Variants in SHANK2 observed in about 807,000 individuals in gnomAD.
SHANK2 encodes SH3 and multiple ankyrin repeat domains protein 2.
Under a neutral mutation model 133.7 loss-of-function variants are expected in SHANK2, and 43 were observed. The ratio of observed to expected loss-of-function variants is 0.32; its 90% CI spans 0.25 to 0.41. SHANK2 has a LOEUF of 0.41. SHANK2 is among the 10% of genes least tolerant of loss of function. SHANK2 has a pLI of 1.00. For missense variants in SHANK2, 1,994 were observed against 2,235.8 expected, an observed-to-expected ratio of 0.89 and a Z score of 2.18; for synonymous variants, 1,017 against 952.8, an observed-to-expected ratio of 1.07 and a Z score of -1.24.
At chr11:70,845,123 C>G (rs1208746436) in intron 11 of SHANK2, among the ~76,000 whole-genome samples, 1 of 138,874 alleles carries the variant, frequency 7.2e-6, no homozygotes, top group Admixed American at 8.0e-5. Context: ...CGCTTGAACC[C>G]GGGTGGCAGA....
chr11:70,827,427 G>GC (rs34086724), intron 11 of SHANK2, among the ~76,000 whole-genome samples: 149,680 of 152,002 alleles, frequency 0.98, 73,744 homozygotes, highest in South Asian at 1. Context: ...GAGGAAAGCT[G>GC]CCCCTTGGAA....
intron 9 of SHANK2, among the ~76,000 whole-genome samples, chr11:71,072,246 T>C (rs1418107327): frequency 1.4e-5 from 2 of 138,280 alleles, no homozygotes; most frequent in Non-Finnish European, 3.2e-5. Flanking sequence ...CCCCCACCAC[T>C]TAACCCCCCA....
At chr11:70,507,671 A>G (rs563576739) in intron 17 of SHANK2, among the ~76,000 whole-genome samples, 1 of 152,286 alleles carries the variant, frequency 6.6e-6, no homozygotes, top group South Asian at 2.1e-4. Context: ...ACAGACACGG[A>G]CATGAGGTCT....
chr11:71,070,009 T>A lies in SHANK2; in HGVS notation c.1029+5150A>T, dbSNP rs1029718518. Reference sequence around the variant, plus strand: ...ACATGTGTAGACAAGGGGGAGTGAGTATAGCAAGGTGTTCAAATGGTGACT... The same window carrying A: ...ACATGTGTAGACAAGGGGGAGTGAGAATAGCAAGGTGTTCAAATGGTGACT... On this transcript the variant is annotated intron_variant, in intron 9 of 25. Transcript: ENST00000601538. Among the ~76,000 whole-genome samples the A allele has an allele frequency of 6.3e-3, 959 of 151,024 alleles. 8 individuals carry two copies. Among genetic ancestry groups the A allele is most frequent in the African/African-American group, 0.022 (896 of 41,062 alleles).
intron 11 of SHANK2, chr11:70,872,943 C>T (rs1949493845): frequency 2.1e-6 from 1 of 466,756 alleles, no homozygotes; most frequent in Non-Finnish European, 4.5e-6. Context: ...TGCCCTCTCC[C>T]CACACTCATG....
intron 17 of SHANK2, among the ~76,000 whole-genome samples, chr11:70,626,902 C>T (rs1555000146): frequency 6.6e-6 from 1 of 152,198 alleles, no homozygotes. Flanking sequence ...AGGAAAGACT[C>T]CATCCCAGCA....
intron 14 of SHANK2, among the ~76,000 whole-genome samples, chr11:70,735,899 C>T (rs1017531100): frequency 6.6e-6 from 1 of 151,986 alleles, no homozygotes; most frequent in Non-Finnish European, 1.5e-5. Context: ...AACCCTACAC[C>T]CATCACCATC....
chr11:70,834,323 A>T (rs1246873593), intron 11 of SHANK2, among the ~76,000 whole-genome samples: 2 of 152,210 alleles, frequency 1.3e-5, no homozygotes, highest in African/African-American at 4.8e-5. Flanking sequence ...AATACACAGG[A>T]GGTGGCTCTA....
intron 15 of SHANK2, among the ~76,000 whole-genome samples, chr11:70,665,159 G>A (rs1219577035): frequency 2.6e-5 from 4 of 152,130 alleles, no homozygotes; most frequent in Non-Finnish European, 2.9e-5. Context: ...TTTAAAATTA[G>A]AGACGGGGTT....
chr11:70,582,449 C>G (rs553593901), intron 17 of SHANK2, among the ~76,000 whole-genome samples: 1 of 152,268 alleles, frequency 6.6e-6, no homozygotes, highest in African/African-American at 2.4e-5. Context: ...CTCAGCTTCC[C>G]TGTGGAGTCC....
At chr11:70,620,163 G>T (rs2060809626) in intron 17 of SHANK2, among the ~76,000 whole-genome samples, 1 of 152,112 alleles carries the variant, frequency 6.6e-6, no homozygotes, top group Non-Finnish European at 1.5e-5. Flanking sequence ...CCTGGTGGGG[G>T]TTAGGGTTCC....
At chr11:70,684,303 T>C (rs1945097207) in intron 15 of SHANK2, among the ~76,000 whole-genome samples, 1 of 152,078 alleles carries the variant, frequency 6.6e-6, no homozygotes, top group Non-Finnish European at 1.5e-5. Flanking sequence ...GGCGCATGCA[T>C]CCCAGCAGTA....
At chr11:70,657,745 G>A (rs2061421609) in intron 17 of SHANK2, among the ~76,000 whole-genome samples, 1 of 152,184 alleles carries the variant, frequency 6.6e-6, no homozygotes, top group African/African-American at 2.4e-5. Context: ...TATAAAACCT[G>A]CCCCAAAATG....
chr11:70,833,921 C>T (rs34744872), intron 11 of SHANK2, among the ~76,000 whole-genome samples: 5 of 152,230 alleles, frequency 3.3e-5, no homozygotes, highest in African/African-American at 1.2e-4. Context: ...CAGGACACTG[C>T]TTCTGTGTAA....
chr11:70,696,018 C>T (rs1401156089), intron 15 of SHANK2, among the ~76,000 whole-genome samples: 2 of 152,186 alleles, frequency 1.3e-5, no homozygotes, highest in Non-Finnish European at 1.5e-5. Flanking sequence ...CCTGGCAGAA[C>T]AGGTGTTCAG....
At chr11:70,530,223 C>A (rs910399525) in intron 17 of SHANK2, among the ~76,000 whole-genome samples, 1 of 152,170 alleles carries the variant, frequency 6.6e-6, no homozygotes, top group Admixed American at 6.5e-5. Context: ...ATTACTCAGC[C>A]GTGAAAAGGA....
At chr11:71,222,998 C>T (rs1236834954) in intron 2 of SHANK2, among the ~76,000 whole-genome samples, 4 of 152,250 alleles carry the variant, frequency 2.6e-5, no homozygotes, top group Non-Finnish European at 5.9e-5. Flanking sequence ...GTCACCATCC[C>T]TCCATCTGGG....
chr11:70,654,646 T>C (rs1555011038), intron 17 of SHANK2, among the ~76,000 whole-genome samples: 1 of 152,222 alleles, frequency 6.6e-6, no homozygotes, highest in Non-Finnish European at 1.5e-5. Context: ...TAATGCTTTC[T>C]TATGAATTCA....
chr11:70,608,625 G>T (rs1295204371), intron 17 of SHANK2, among the ~76,000 whole-genome samples: 2 of 152,184 alleles, frequency 1.3e-5, no homozygotes, highest in African/African-American at 4.8e-5. Context: ...CCTCTTGGCC[G>T]AGCCTGGGCC....
Sources: allele counts gnomAD v4.1 joint callset (sites outside exome capture counted in the v4.1 genomes callset), GRCh38; gene constraint gnomAD v4.1.1; transcripts MANE v1.5; gene names NCBI Gene and HGNC (gene_info 2026-07-23, HGNC 2026-07-21).